Variants in CDH23 observed in about 807,000 individuals in gnomAD.
CDH23 encodes the protein cadherin related 23.
A neutral mutation model predicts 317.1 loss-of-function variants in CDH23; 189 were observed. The ratio of observed to expected loss-of-function variants is 0.60; its 90% CI spans 0.53 to 0.67. The LOEUF is 0.67. Ranked by LOEUF, CDH23 falls within the 30% of genes least tolerant of loss-of-function variation. The pLI is 0.00. For missense variants in CDH23, 4,401 were observed against 4,592.4 expected (o/e 0.96, Z 1.20); for synonymous variants, 1,839 against 1,876.8 (o/e 0.98, Z 0.52).
Position 71,798,393 on chromosome 10 carries a change from C to T in CDH23, c.6869C>T (p.Thr2290Met), listed in dbSNP as rs370912192. The stretch of plus-strand genomic sequence containing the variant: ...AACGTCCTGGACGTCAATGACAATA[C>T]GCCCCAGTTCAAGCCCTTTGGGATC... ...TVNVLDVNDN[T>M]PQFKPFGITY... The change falls in exon 50 of 70, where the codon ACG (threonine) becomes ATG (methionine). Residue 2290 changes from threonine (T) to methionine (M), a missense_variant. This residue lies in a region of CDH23 where 3,068 missense variants were observed against 3,203.3 expected (regional missense o/e 0.96). Coordinates refer to ENST00000224721, the MANE Select transcript of CDH23 (RefSeq NM_022124.6). 59 of 1,613,870 alleles carry T rather than the reference C, an allele frequency of 3.7e-5. No homozygotes were observed. Among genetic ancestry groups the T allele is most frequent in the African/African-American group, 1.9e-4 (14 of 74,926 alleles).
intron 27 of CDH23, among the ~76,000 whole-genome samples, chr10:71,710,018 C>T (rs1221793958): frequency 2.0e-5 from 3 of 152,102 alleles, no homozygotes; most frequent in African/African-American, 7.2e-5. Context: ...TTTACTACCA[C>T]GAGAACAGTG....
intron 1 of CDH23, among the ~76,000 whole-genome samples, chr10:71,405,994 G>T (rs1848078331): frequency 6.7e-6 from 1 of 149,058 alleles, no homozygotes; most frequent in South Asian, 2.1e-4. Context: ...GTGTCCACTT[G>T]GAAAAAGTTA....
At chr10:71,683,280 G>A (rs552254640) in intron 18 of CDH23, among the ~76,000 whole-genome samples, 1 of 152,248 alleles carries the variant, frequency 6.6e-6, no homozygotes, top group Non-Finnish European at 1.5e-5. Context: ...CAGCGAACGC[G>A]TGTTGATCGA....
intron 6 of CDH23, among the ~76,000 whole-genome samples, chr10:71,563,305 A>G (rs1857224806): frequency 6.6e-6 from 1 of 152,142 alleles, no homozygotes; most frequent in Admixed American, 6.5e-5. Context: ...CCAGCCATCC[A>G]GGGTGGTGTA....
rs368368136 is a variant in CDH23 at position 71,741,857 on chromosome 10, G to A, written c.4781G>A (p.Arg1594His). The A allele has an allele frequency of 2.4e-5, 38 of 1,610,922 alleles. No individual in the cohort carries two copies. Among genetic ancestry groups the A allele is most frequent in the Middle Eastern group, 3.3e-4 (2 of 6,058 alleles). The change falls in exon 38 of 70, where the codon CGC becomes CAC. Residue 1594 changes from arginine to histidine, a missense_variant. By Grantham distance (29) the Arg-to-His change is conservative. Coordinates refer to ENST00000224721, the MANE Select transcript of CDH23 (RefSeq NM_022124.6). ...EIATRPAPPD[R>H]ERQSFYHLVA... ...GCCACACGGCCTGCCCCGCCTGACC[G>A]CGAGCGCCAGAGCTTCTACCACCTG...
At chr10:71,493,109 G>T (rs576567453) in intron 3 of CDH23, among the ~76,000 whole-genome samples, 23 of 152,206 alleles carry the variant, frequency 1.5e-4, no homozygotes, top group African/African-American at 4.6e-4. Flanking sequence ...AGCTCATTGC[G>T]TGGGGGAGTG....
intron 38 of CDH23, chr10:71,748,770 A>C (rs755969435): frequency 1.3e-5 from 2 of 152,626 alleles, no homozygotes; most frequent in Admixed American, 6.5e-5. Context: ...CAGGGCTGGC[A>C]TCAGAGGCAC....
rs542088298 is a variant in CDH23 at position 71,729,162 on chromosome 10, C to T, written c.3580-1307C>T. Among the ~76,000 whole-genome samples, 9 of 152,276 alleles carry T rather than the reference C, an allele frequency of 5.9e-5. No homozygotes were observed. The East Asian group carries it at 1.5e-3, about 26-fold the overall frequency. On this transcript the variant is annotated intron_variant, in intron 30 of 69. Transcript: ENST00000224721. ...CATAAACACCTTTTAAACTGTATTA[C>T]GTTCATGATGTACAGTGCACACATT...
chr10:71,615,764 G>C (rs1861152855), intron 10 of CDH23, 148 bp downstream of exon 10: 1 of 629,574 alleles, frequency 1.6e-6, no homozygotes, highest in African/African-American at 1.8e-5. Flanking sequence ...TGCCTCCCGG[G>C]GCTGTGCCCA....
At chr10:71,474,767 G>A (rs1851702224) in intron 3 of CDH23, among the ~76,000 whole-genome samples, 1 of 152,190 alleles carries the variant, frequency 6.6e-6, no homozygotes, top group Non-Finnish European at 1.5e-5. Flanking sequence ...GCTCCTCTGT[G>A]TGCTCAGCAC....
chr10:71,731,897 C>T, intron 31 of CDH23, 90 bp from the exon 32 acceptor site: 3 of 1,448,556 alleles, frequency 2.1e-6, no homozygotes, highest in South Asian at 1.4e-5. Context: ...GTGGGCCACC[C>T]AGGGGGTATG....
intron 6 of CDH23, among the ~76,000 whole-genome samples, chr10:71,561,593 T>C (rs892187621): frequency 1.3e-5 from 2 of 152,142 alleles, no homozygotes; most frequent in Non-Finnish European, 2.9e-5. Flanking sequence ...GATTTATTTG[T>C]CTCTGAATTG....
chr10:71,679,541 G>T (rs754368072), intron 17 of CDH23, 49 bp downstream of exon 17: 6 of 1,384,354 alleles, frequency 4.3e-6, no homozygotes, highest in African/African-American at 1.4e-5. Flanking sequence ...GGGCTGGGGG[G>T]CTCTCTGCAC....
In CDH23 at chr10:71,659,897, G is replaced by C. The variant is rs547107352; in HGVS notation, c.1449+13280G>C. 3.8e-4 allele frequency among the ~76,000 whole-genome samples: 57 copies of C among 151,470 alleles called. No homozygotes were observed. The Middle Eastern group carries it at 0.011, about 28-fold the overall frequency. Reference sequence around the variant, plus strand: ...AAAGGGATAAAGACCGCGTCCTCCAGACTTAGATCACCCAGGTTTACCCTG... The same window carrying C: ...AAAGGGATAAAGACCGCGTCCTCCACACTTAGATCACCCAGGTTTACCCTG... On this transcript the variant is annotated intron_variant, in intron 14 of 69. Coordinates refer to ENST00000224721, the MANE Select transcript of CDH23 (RefSeq NM_022124.6).
chr10:71,645,845 G>A lies in CDH23; in HGVS notation c.1155G>A (p.Met385Ile). 6.2e-7 allele frequency: 1 copy of A among 1,611,688 alleles called. No homozygotes were observed. The highest frequency in any genetic ancestry group is 8.5e-7 in the Non-Finnish European group (1 of 1,178,084). ...DKDENLGLNS[M>I]FEVYLVGNNS... is the part of the protein sequence containing the mutation. The stretch of plus-strand genomic sequence containing the variant: ...TCTTGACCCAGGGCCTGAACAGCAT[G>A]TTTGAGGTGTACTTGGTGGGGAACA... Residue 385 changes from methionine (M) to isoleucine (I), a missense_variant, in exon 13 of 70, where the codon ATG (methionine) becomes ATA (isoleucine). Coordinates refer to ENST00000224721, the MANE Select transcript of CDH23 (RefSeq NM_022124.6).
intron 7 of CDH23, among the ~76,000 whole-genome samples, chr10:71,569,545 G>A (rs1417348832): frequency 1.3e-5 from 2 of 152,238 alleles, no homozygotes; most frequent in African/African-American, 4.8e-5. Context: ...ACTCATTTGA[G>A]GTTACTCAGC....
Position 71,797,087 on chromosome 10 carries a change from C to A in CDH23, c.6713-17C>A, listed in dbSNP as rs2132962257. 4.5e-6 allele frequency: 7 copies of A among 1,568,924 alleles called. No individual in the cohort carries two copies. The highest frequency in any genetic ancestry group is 6.1e-6 in the Non-Finnish European group (7 of 1,141,464). On this transcript the variant is annotated splice_polypyrimidine_tract_variant and intron_variant, in intron 48 of 69. Coordinates refer to ENST00000224721, the MANE Select transcript of CDH23 (RefSeq NM_022124.6). ...GGGGTTCTTCTCAGGCTGAACCTGG[C>A]CTGGTCTGGTCCACAGGATCTGTAA...
intron 11 of CDH23, among the ~76,000 whole-genome samples, chr10:71,617,821 G>A (rs978930643): frequency 1.8e-4 from 28 of 151,992 alleles, no homozygotes; most frequent in African/African-American, 4.8e-4. Flanking sequence ...TGGAAACCCC[G>A]TCTCTACTAA....
At chr10:71,719,145 C>T (rs1866432597) in intron 28 of CDH23, among the ~76,000 whole-genome samples, 2 of 152,094 alleles carry the variant, frequency 1.3e-5, no homozygotes, top group Non-Finnish European at 2.9e-5. Flanking sequence ...CCTGTGGCAA[C>T]GAGAGATTCC....
Sources: allele counts gnomAD v4.1 joint callset (sites outside exome capture counted in the v4.1 genomes callset), GRCh38; gene constraint gnomAD v4.1.1; regional missense constraint gnomAD v4.1.1; transcripts MANE v1.5; gene names NCBI Gene and HGNC (gene_info 2026-07-23, HGNC 2026-07-21).